The following MCC variants were observed in gnomAD, a reference collection of about 807,000 sequenced individuals.
The protein encoded by MCC is MCC regulator of Wnt signaling pathway.
Under a neutral mutation model 116.2 loss-of-function variants are expected in MCC, and 90 were observed. The ratio of observed to expected loss-of-function variants is 0.77; its 90% CI spans 0.65 to 0.92. MCC has a LOEUF of 0.92. Among genes scored for constraint, MCC ranks in the 40% least tolerant of loss-of-function variants. The pLI, the probability that MCC is intolerant of heterozygous loss-of-function variation, is 0.00. For missense variants in MCC, 1,516 were observed against 1,312.2 expected, an observed-to-expected ratio of 1.16 and a Z score of -2.40; for synonymous variants, 578 against 510.5, an observed-to-expected ratio of 1.13 and a Z score of -1.78.
chr5:113,410,025 C>T (rs1435025135), intron 1 of MCC, among the ~76,000 whole-genome samples: 1 of 152,194 alleles, frequency 6.6e-6, no homozygotes, highest in African/African-American at 2.4e-5. Flanking sequence ...TATAGTTCTA[C>T]ACTTATGTGT....
At chr5:113,136,842 C>G (rs1410159153) in intron 5 of MCC, among the ~76,000 whole-genome samples, 1 of 152,150 alleles carries the variant, frequency 6.6e-6, no homozygotes, top group Non-Finnish European at 1.5e-5. Context: ...AATTTGGATG[C>G]CCTTTATTTC....
intron 3 of MCC, among the ~76,000 whole-genome samples, chr5:113,172,544 T>C (rs1459927942): frequency 1.3e-5 from 2 of 152,212 alleles, no homozygotes; most frequent in Non-Finnish European, 2.9e-5. Flanking sequence ...GAAATGTTCT[T>C]TCCCCACCTC....
In MCC at chr5:113,104,220, G is replaced by C. The variant is rs1252401311; in HGVS notation, c.1163C>G (p.Ala388Gly). 2 of 1,613,618 alleles carry C rather than the reference G, an allele frequency of 1.2e-6. No homozygotes were observed. The highest frequency in any genetic ancestry group is 1.7e-5 in the Admixed American group (1 of 59,996). Residue 388 changes from alanine (A) to glycine (G), a missense_variant, in exon 7 of 19, where the codon GCC becomes GGC. Physicochemically the swap from Ala to Gly is moderately conservative, Grantham distance 60. Transcript: ENST00000408903. ...AATAGCCAGGTCACAGTGCTCGCTG[G>C]CTGTGGTGAGCTGCTCAATGTGCTT... ...VDKHIEQLTT[A>G]SEHCDLAIKT...
chr5:113,090,191 G>A (rs1014604058), intron 8 of MCC, among the ~76,000 whole-genome samples: 13 of 152,104 alleles, frequency 8.5e-5, no homozygotes, highest in African/African-American at 2.7e-4. Flanking sequence ...CCTTTTTCTC[G>A]GGGAGAAAAG....
chr5:113,269,901 A>C (rs1765549272), intron 3 of MCC, among the ~76,000 whole-genome samples: 1 of 152,226 alleles, frequency 6.6e-6, no homozygotes, highest in African/African-American at 2.4e-5. Flanking sequence ...TCAGCACCCA[A>C]CATAACTGCA....
At chr5:113,205,151 T>C in intron 3 of MCC, among the ~76,000 whole-genome samples, 1 of 152,220 alleles carries the variant, frequency 6.6e-6, no homozygotes, top group East Asian at 1.9e-4. Flanking sequence ...TTTTTCTCTA[T>C]GAGTTCCCTT....
intron 8 of MCC, among the ~76,000 whole-genome samples, chr5:113,098,018 A>G (rs995971375): frequency 6.6e-6 from 1 of 152,244 alleles, no homozygotes; most frequent in African/African-American, 2.4e-5. Flanking sequence ...TTATGACATG[A>G]ACATGCAGAA....
Position 113,143,217 on chromosome 5 carries a change from C to G in MCC, c.884+1G>C, listed in dbSNP as rs756753454. On this transcript the variant is annotated splice_donor_variant, in intron 5 of 18. Transcript: ENST00000408903. LOFTEE classifies it high-confidence loss of function. The stretch of plus-strand genomic sequence containing the variant: ...AGTAAAAGCCGAATGGAGCCGCGTA[C>G]CTGATGGTGGTGCCTTGCAGACGGT... The G allele has an allele frequency of 6.3e-7, 1 of 1,598,868 alleles. No individual in the cohort carries two copies. Among genetic ancestry groups the G allele is most frequent in the East Asian group, 2.3e-5 (1 of 44,102 alleles).
In MCC at chr5:113,340,683, T is replaced by C; in HGVS notation, c.463A>G (p.Arg155Gly). 1 of 1,614,018 alleles carries C rather than the reference T, an allele frequency of 6.2e-7. No homozygotes were observed. The highest frequency in any genetic ancestry group is 8.5e-7 in the Non-Finnish European group (1 of 1,180,004). Residue 155 changes from arginine (R) to glycine (G), a missense_variant, in exon 3 of 19, where the codon AGG (arginine) becomes GGG (glycine). Arg to Gly is a moderately radical substitution (Grantham distance 125). Coordinates refer to ENST00000408903, the MANE Select transcript of MCC (RefSeq NM_001085377.2). The part of the protein sequence containing the change: ...RESWEYDSGA[R>G]DLQSPDVQSQ... ...TGCACATCCGGGCTCTGGAGGTCCCTGGCACCAGAGTCGTATTCCCAGCTC... is the reference window on the plus strand; with the variant it reads ...TGCACATCCGGGCTCTGGAGGTCCCCGGCACCAGAGTCGTATTCCCAGCTC...
chr5:113,455,693 T>A (rs1182642642), intron 1 of MCC, among the ~76,000 whole-genome samples: 5 of 152,162 alleles, frequency 3.3e-5, no homozygotes, highest in Non-Finnish European at 5.9e-5. Flanking sequence ...GCCATACCAA[T>A]AATCAAACAT....
At chr5:113,207,644 C>T (rs989350022) in intron 3 of MCC, among the ~76,000 whole-genome samples, 9 of 152,088 alleles carry the variant, frequency 5.9e-5, no homozygotes, top group Admixed American at 5.2e-4. Context: ...AGCAGGGCTC[C>T]CTTGAATAAA....
intron 3 of MCC, among the ~76,000 whole-genome samples, chr5:113,291,288 G>C (rs1435263157): frequency 6.6e-6 from 1 of 152,136 alleles, no homozygotes; most frequent in Admixed American, 6.5e-5. Flanking sequence ...CATTCCTGGA[G>C]TACTAGGTGC....
chr5:113,029,039 G>A lies in MCC; in HGVS notation c.2774C>T (p.Ala925Val). The A allele has an allele frequency of 6.2e-7, 1 of 1,612,770 alleles. No individual in the cohort carries two copies. Among genetic ancestry groups the A allele is most frequent in the Non-Finnish European group, 8.5e-7 (1 of 1,179,384 alleles). The change falls in exon 18 of 19, where the codon GCC becomes GTC. Residue 925 changes from alanine (A) to valine (V), a missense_variant. By Grantham distance (64) the Ala-to-Val change is moderately conservative (BLOSUM62 0). Coordinates refer to ENST00000408903, the MANE Select transcript of MCC (RefSeq NM_001085377.2). ...NAIRREKKLK[A>V]RVQELVSALE... Reference sequence around the variant, plus strand: ...GGCACTCACCAGCTCTTGAACTCTGGCCTTCAACTTCTTTTCTCTATATTA... The same window carrying A: ...GGCACTCACCAGCTCTTGAACTCTGACCTTCAACTTCTTTTCTCTATATTA...
At chr5:113,473,807 T>G (rs1333961486) in intron 1 of MCC, among the ~76,000 whole-genome samples, 1 of 152,182 alleles carries the variant, frequency 6.6e-6, no homozygotes, top group Non-Finnish European at 1.5e-5. Context: ...ACCAGACAGC[T>G]GCCCAATAGA....
chr5:113,383,591 A>G (rs570954282), intron 2 of MCC, among the ~76,000 whole-genome samples: 1 of 152,046 alleles, frequency 6.6e-6, no homozygotes, highest in Non-Finnish European at 1.5e-5. Flanking sequence ...AGTAGTTATT[A>G]TTTCCAGGTG....
chr5:113,451,844 T>C (rs1771407368), intron 1 of MCC, among the ~76,000 whole-genome samples: 2 of 152,192 alleles, frequency 1.3e-5, no homozygotes, highest in South Asian at 4.1e-4. Flanking sequence ...AATCTAAAAT[T>C]TGGTGGCTTA....
In MCC at chr5:113,488,392, G is replaced by A. The variant is rs1191555042; in HGVS notation, c.23C>T (p.Ala8Val). MMAAAAA[A>V]AAGSSSSGGG... Reference sequence around the variant, plus strand: ...GCCGCTGCTGGAGCTCCCCGCAGCCGCTGCCGCCGCGGCCGCCATCATGCG... The same window carrying A: ...GCCGCTGCTGGAGCTCCCCGCAGCCACTGCCGCCGCGGCCGCCATCATGCG... Residue 8 changes from alanine to valine, a missense_variant, in exon 1 of 19, where the codon GCG becomes GTG. Ala to Val is a moderately conservative substitution (Grantham distance 64, BLOSUM62 0). Transcript: ENST00000408903. 7.1e-7 allele frequency: 1 copy of A among 1,404,242 alleles called. No individual in the cohort carries two copies. Among genetic ancestry groups the A allele is most frequent in the South Asian group, 1.7e-5 (1 of 57,746 alleles). 87.0% of individuals were successfully genotyped at this position (1,404,242 alleles called of 1,614,324 possible).
intron 1 of MCC, among the ~76,000 whole-genome samples, chr5:113,397,772 G>C (rs1435435744): frequency 6.6e-6 from 1 of 152,108 alleles, no homozygotes; most frequent in Non-Finnish European, 1.5e-5. Context: ...TCTGAACATT[G>C]GCCTTGGAAA....
Position 113,340,670 on chromosome 5 carries a change from C to G in MCC, c.476G>C (p.Ser159Thr). ...GGCTGACTGGCTCTGCACATCCGGG[C>G]TCTGGAGGTCCCTGGCACCAGAGTC... ...EYDSGARDLQ[S>T]PDVQSQSALQ... The change falls in exon 3 of 19, where the codon AGC becomes ACC. Residue 159 changes from serine to threonine, a missense_variant. Coordinates refer to ENST00000408903, the MANE Select transcript of MCC (RefSeq NM_001085377.2). 2 of 1,614,078 alleles carry G rather than the reference C, an allele frequency of 1.2e-6. No individual in the cohort carries two copies. The highest frequency in any genetic ancestry group is 1.1e-5 in the South Asian group (1 of 91,088).
Sources: gnomAD v4.1 joint callset for allele counts (sites outside exome capture counted in the v4.1 genomes callset) on GRCh38, gnomAD v4.1.1 for gene constraint, MANE v1.5 for transcripts, NCBI Gene and HGNC (gene_info 2026-07-23, HGNC 2026-07-21) for gene names.